THSD4: variants seen among roughly 807,000 people sequenced by gnomAD.
THSD4 encodes thrombospondin type 1 domain containing 4.
Under a neutral mutation model 119.0 loss-of-function variants are expected in THSD4, and 69 were observed. That is an observed-to-expected ratio of 0.58 (90% CI 0.48 to 0.71). The LOEUF is 0.71. THSD4 is among the 30% of genes least tolerant of loss of function. The probability of loss-of-function intolerance (pLI) is 0.00; values close to 1 mark genes in which losing one functional copy is unlikely to be tolerated. For missense variants in THSD4, 1,393 were observed against 1,391.1 expected, an observed-to-expected ratio of 1.00 and a Z score of -0.02; for synonymous variants, 524 against 540.4, an observed-to-expected ratio of 0.97 and a Z score of 0.42.
chr15:71,584,262 CTTTTTTT>C (rs71154789), intron 7 of THSD4, among the ~76,000 whole-genome samples: 18 of 61,806 alleles, frequency 2.9e-4, no homozygotes, highest in East Asian at 1.5e-3. Flanking sequence ...TTTTCACTTT[CTTTTTTT>C]TTTTTTTTTT....
chr15:71,112,260 C>T, upstream of THSD4: 1 of 1,586,242 alleles, frequency 6.3e-7, no homozygotes. Context: ...TGACAGTCTT[C>T]TATAGGATGT....
intron 7 of THSD4, among the ~76,000 whole-genome samples, chr15:71,429,605 G>T (rs1035410978): frequency 1.3e-5 from 2 of 152,154 alleles, no homozygotes; most frequent in African/African-American, 2.4e-5. Context: ...AGAGATGGAG[G>T]GTTGAGAAGC....
intron 6 of THSD4, among the ~76,000 whole-genome samples, chr15:71,308,470 C>G (rs922628668): frequency 1.8e-5 from 2 of 113,910 alleles, no homozygotes; most frequent in Non-Finnish European, 3.6e-5. Context: ...GCCCTGTCTC[C>G]TTCCTTGCTT....
intron 6 of THSD4, among the ~76,000 whole-genome samples, chr15:71,269,687 A>G (rs1473821918): frequency 6.6e-6 from 1 of 152,210 alleles, no homozygotes; most frequent in African/African-American, 2.4e-5. Context: ...ACATGATTGT[A>G]TATTTAGAAA....
intron 4 of THSD4, among the ~76,000 whole-genome samples, chr15:71,231,132 C>T (rs984633989): frequency 6.6e-6 from 1 of 152,222 alleles, no homozygotes; most frequent in African/African-American, 2.4e-5. Flanking sequence ...CACAGCAGCA[C>T]CCGTGAGCAC....
intron 4 of THSD4, among the ~76,000 whole-genome samples, chr15:71,227,305 C>T (rs2044025551): frequency 6.6e-6 from 1 of 152,224 alleles, no homozygotes; most frequent in East Asian, 1.9e-4. Flanking sequence ...ATTCATAACT[C>T]TGGTTCCAGA....
At chr15:71,459,160 C>CT (rs372209662) in intron 7 of THSD4, among the ~76,000 whole-genome samples, 1,936 of 128,850 alleles carry the variant, frequency 0.015, 61 homozygotes, top group East Asian at 0.11. Flanking sequence ...TTCTTTTTTT[C>CT]TTTTTTTTTT....
At chr15:71,313,270 G>A (rs1418401072) in intron 6 of THSD4, among the ~76,000 whole-genome samples, 6 of 146,992 alleles carry the variant, frequency 4.1e-5, no homozygotes, top group African/African-American at 7.6e-5. Context: ...GCACAACCCC[G>A]TCATTCTGTG....
chr15:71,601,821 T>G (rs772542396), intron 7 of THSD4, among the ~76,000 whole-genome samples: 2 of 152,252 alleles, frequency 1.3e-5, no homozygotes, highest in Admixed American at 1.3e-4. Context: ...AAAGCAGCTG[T>G]GTGCGTGAGC....
At chr15:71,460,970 GC>G (rs1180299284) in intron 7 of THSD4, among the ~76,000 whole-genome samples, 1 of 152,090 alleles carries the variant, frequency 6.6e-6, no homozygotes, top group African/African-American at 2.4e-5. Context: ...AACTATTGCT[GC>G]ATAACAAATT....
chr15:71,723,681 AG>A (rs767145744), intron 8 of THSD4, among the ~76,000 whole-genome samples: 3 of 152,302 alleles, frequency 2.0e-5, no homozygotes, highest in Non-Finnish European at 4.4e-5. Flanking sequence ...AATGCCTTGA[AG>A]GAAAGTTTCT....
chr15:71,653,146 G>T (rs1312431500), intron 7 of THSD4, among the ~76,000 whole-genome samples: 1 of 152,164 alleles, frequency 6.6e-6, no homozygotes, highest in Non-Finnish European at 1.5e-5. Context: ...CAAGTCGCAG[G>T]TACTGTGCTC....
chr15:71,621,893 A>G (rs2050424658), intron 7 of THSD4, among the ~76,000 whole-genome samples: 1 of 152,238 alleles, frequency 6.6e-6, no homozygotes, highest in East Asian at 1.9e-4. Flanking sequence ...AGAAGCCATT[A>G]GTTACTTTTG....
chr15:71,243,877 C>T (rs1337025782), intron 5 of THSD4, among the ~76,000 whole-genome samples: 2 of 150,744 alleles, frequency 1.3e-5, no homozygotes, highest in African/African-American at 4.9e-5. Context: ...CTCTGCCTCC[C>T]AGGTTCAAGC....
intron 7 of THSD4, among the ~76,000 whole-genome samples, chr15:71,442,153 T>C (rs929216254): frequency 2.7e-5 from 4 of 149,590 alleles, no homozygotes; most frequent in Non-Finnish European, 3.0e-5. Context: ...AGAGATGGGG[T>C]TTCACTGTGT....
chr15:71,690,219 G>C (rs928026683), intron 8 of THSD4, among the ~76,000 whole-genome samples: 8 of 152,208 alleles, frequency 5.3e-5, no homozygotes, highest in African/African-American at 1.9e-4. Context: ...AATTGCCTGA[G>C]CCTTACATTT....
At chr15:71,334,608 G>A (rs149521155) in intron 6 of THSD4, among the ~76,000 whole-genome samples, 3 of 152,332 alleles carry the variant, frequency 2.0e-5, no homozygotes, top group African/African-American at 4.8e-5. Flanking sequence ...GCCAAATAAC[G>A]CTGAAATTGG....
chr15:71,297,620 T>C (rs558645384), intron 6 of THSD4, among the ~76,000 whole-genome samples: 124 of 152,198 alleles, frequency 8.1e-4, no homozygotes, highest in African/African-American at 2.7e-3. Flanking sequence ...AGACGTGAGC[T>C]ACCACGCTCG....
chr15:71,563,838 T>C (rs1351072754), intron 7 of THSD4, among the ~76,000 whole-genome samples: 1 of 152,082 alleles, frequency 6.6e-6, no homozygotes, highest in Non-Finnish European at 1.5e-5. Flanking sequence ...GAACTCTTTA[T>C]CCCGTGTGAC....
Sources: allele counts gnomAD v4.1 joint callset (sites outside exome capture counted in the v4.1 genomes callset), GRCh38; gene constraint gnomAD v4.1.1; transcripts MANE v1.5; gene names NCBI Gene and HGNC (gene_info 2026-07-23, HGNC 2026-07-21).